Variants in ZRANB3 observed in about 807,000 individuals in gnomAD.
ZRANB3 encodes zinc finger RANBP2-type containing 3, also known as DNA annealing helicase and endonuclease ZRANB3.
Under a neutral mutation model 133.8 loss-of-function variants are expected in ZRANB3, and 125 were observed. That is an observed-to-expected ratio of 0.93 (90% CI 0.81 to 1.08). ZRANB3 has a LOEUF of 1.08. ZRANB3 is among the 50% of genes least tolerant of loss of function. The probability of loss-of-function intolerance (pLI) is 0.00; values close to 1 mark genes in which losing one functional copy is unlikely to be tolerated. For synonymous variants in ZRANB3, 387 were observed against 432.7 expected, an observed-to-expected ratio of 0.89 and a Z score of 1.31; for missense variants, 1,229 against 1,275.5, an observed-to-expected ratio of 0.96 and a Z score of 0.56.
intron 2 of ZRANB3, among the ~76,000 whole-genome samples, chr2:135,456,437 G>C (rs1301244699): frequency 6.6e-6 from 1 of 152,152 alleles, no homozygotes; most frequent in Admixed American, 6.5e-5. Context: ...GGAAAAGTAG[G>C]CTAGCTATAT....
chr2:135,290,765 C>A (rs1034962921), intron 8 of ZRANB3, among the ~76,000 whole-genome samples: 1 of 133,232 alleles, frequency 7.5e-6, no homozygotes, highest in Middle Eastern at 5.1e-3. Context: ...GGATTTGTTT[C>A]AAGATCTAGT....
chr2:135,495,592 A>C (rs1162651074), intron 2 of ZRANB3, among the ~76,000 whole-genome samples: 1 of 152,238 alleles, frequency 6.6e-6, no homozygotes, highest in Non-Finnish European at 1.5e-5. Flanking sequence ...GACTCTAGGT[A>C]AAACATACAT....
intron 2 of ZRANB3, among the ~76,000 whole-genome samples, chr2:135,408,792 AG>A (rs2104951005): frequency 6.6e-6 from 1 of 150,474 alleles, no homozygotes; most frequent in South Asian, 2.1e-4. Flanking sequence ...ACATGGAGAC[AG>A]GAAGGGGAAC....
chr2:135,374,078 C>A (rs1686307494), intron 3 of ZRANB3, among the ~76,000 whole-genome samples: 1 of 151,958 alleles, frequency 6.6e-6, no homozygotes, highest in African/African-American at 2.4e-5. Context: ...GAATTTCTGC[C>A]AGAGAATAGC....
intron 8 of ZRANB3, among the ~76,000 whole-genome samples, chr2:135,302,162 ATTCACAG>A (rs545923499): frequency 2.0e-5 from 3 of 152,228 alleles, no homozygotes; most frequent in Non-Finnish European, 2.9e-5. Flanking sequence ...AAACTGTATT[ATTCACAG>A]TTACTATAGA....
chr2:135,485,417 G>A (rs1321834865), intron 2 of ZRANB3, among the ~76,000 whole-genome samples: 2 of 152,164 alleles, frequency 1.3e-5, no homozygotes, highest in Non-Finnish European at 2.9e-5. Flanking sequence ...GAGAGACTTT[G>A]CCCTGCTAGC....
intron 4 of ZRANB3, 86 bp downstream of exon 4, chr2:135,353,364 G>T: frequency 2.4e-6 from 2 of 838,856 alleles, no homozygotes; most frequent in Non-Finnish European, 3.4e-6. Flanking sequence ...ATTATCTATT[G>T]GTGATATTGC....
chr2:135,483,418 G>C (rs965122316), intron 2 of ZRANB3, among the ~76,000 whole-genome samples: 5 of 152,146 alleles, frequency 3.3e-5, no homozygotes, highest in Non-Finnish European at 7.4e-5. Context: ...GGTGTTTGTA[G>C]TATTCTCTGA....
chr2:135,223,004 C>T (rs967918915), intron 15 of ZRANB3, among the ~76,000 whole-genome samples: 9 of 151,646 alleles, frequency 5.9e-5, no homozygotes, highest in Non-Finnish European at 1.0e-4. Context: ...CTGTAATCCC[C>T]GCACTTCGGG....
At chr2:135,423,831 A>G (rs1456132244) in intron 2 of ZRANB3, among the ~76,000 whole-genome samples, 3 of 152,240 alleles carry the variant, frequency 2.0e-5, no homozygotes, top group South Asian at 2.1e-4. Flanking sequence ...CAATCAGACC[A>G]GCCCACAATA....
intron 2 of ZRANB3, among the ~76,000 whole-genome samples, chr2:135,426,308 G>A (rs1689062642): frequency 6.6e-6 from 1 of 152,116 alleles, no homozygotes; most frequent in Admixed American, 6.6e-5. Flanking sequence ...AAATTGAGGG[G>A]GAGGGACTCC....
intron 12 of ZRANB3, among the ~76,000 whole-genome samples, chr2:135,260,444 T>C (rs1015904944): frequency 6.6e-6 from 1 of 152,046 alleles, no homozygotes; most frequent in African/African-American, 2.4e-5. Context: ...TTGAGTTTCA[T>C]TTGGGTTAAT....
At chr2:135,313,648 GA>G (rs1558909352) in intron 7 of ZRANB3, 43 bp from the exon 8 acceptor site, 2 of 1,280,256 alleles carry the variant, frequency 1.6e-6, no homozygotes, top group East Asian at 4.7e-5. Flanking sequence ...ATAGCATAAC[GA>G]ACAGAACAAA....
chr2:135,434,386 A>T (rs1241073051), intron 2 of ZRANB3, among the ~76,000 whole-genome samples: 6 of 152,236 alleles, frequency 3.9e-5, no homozygotes, highest in Non-Finnish European at 8.8e-5. Context: ...TGAATGATGC[A>T]AAGGCTGAAG....
intron 8 of ZRANB3, among the ~76,000 whole-genome samples, chr2:135,306,580 C>G (rs1322688821): frequency 6.7e-6 from 1 of 149,058 alleles, no homozygotes; most frequent in East Asian, 2.0e-4. Flanking sequence ...GCATGAGCCA[C>G]CGCACCCGGC....
At chr2:135,312,959 G>A (rs1234319988) in intron 8 of ZRANB3, among the ~76,000 whole-genome samples, 1 of 151,192 alleles carries the variant, frequency 6.6e-6, no homozygotes, top group Non-Finnish European at 1.5e-5. Flanking sequence ...GGTGGAGGTT[G>A]CAGTGAGCTG....
intron 2 of ZRANB3, among the ~76,000 whole-genome samples, chr2:135,441,882 C>T (rs1286123137): frequency 6.6e-6 from 1 of 152,134 alleles, no homozygotes; most frequent in Middle Eastern, 3.2e-3. Context: ...GAAACAGAGG[C>T]ATCATCTCTG....
chr2:135,335,242 C>A (rs1160413688), intron 6 of ZRANB3, among the ~76,000 whole-genome samples: 1 of 151,974 alleles, frequency 6.6e-6, no homozygotes, highest in African/African-American at 2.4e-5. Flanking sequence ...ATATCAATGA[C>A]AAATAACATT....
intron 5 of ZRANB3, among the ~76,000 whole-genome samples, chr2:135,347,294 CTTTT>C (rs371254079): frequency 7.3e-6 from 1 of 137,348 alleles, no homozygotes; most frequent in Admixed American, 7.4e-5. Context: ...TTTCAGTTCT[CTTTT>C]TTTTTTTTTT....
Sources: allele counts gnomAD v4.1 joint callset (sites outside exome capture counted in the v4.1 genomes callset), GRCh38; gene constraint gnomAD v4.1.1; transcripts MANE v1.5; gene names NCBI Gene and HGNC (gene_info 2026-07-23, HGNC 2026-07-21).